Variants in ATP9B observed in about 807,000 individuals in gnomAD.
ATP9B encodes the protein probable phospholipid-transporting ATPase IIB.
In ATP9B, 110 loss-of-function variants were observed where a neutral mutation model predicts 146.1. The observed-to-expected ratio is 0.75, with a 90% CI of 0.65 to 0.88. The LOEUF is 0.88. Among genes scored for constraint, ATP9B ranks in the 40% least tolerant of loss-of-function variants. The pLI, the probability that ATP9B is intolerant of heterozygous loss-of-function variation, is 0.00. For synonymous variants in ATP9B, 604 were observed against 569.7 expected (o/e 1.06, Z -0.86); for missense variants, 1,499 against 1,496.4 (o/e 1.00, Z -0.03).
At chr18:79,313,726 T>C (rs923392639) in intron 15 of ATP9B, among the ~76,000 whole-genome samples, 2 of 152,230 alleles carry the variant, frequency 1.3e-5, no homozygotes, top group East Asian at 1.9e-4. Context: ...ATTAAAAATT[T>C]AGAGAAACTA....
At chr18:79,365,723 C>T (rs1216626026) in intron 26 of ATP9B, among the ~76,000 whole-genome samples, 11 of 150,904 alleles carry the variant, frequency 7.3e-5, no homozygotes, top group South Asian at 2.1e-4. Flanking sequence ...TCTCTGTGGA[C>T]GGGGACAGCC....
At chr18:79,086,455 A>AAAAAAAG (rs2073840562) in intron 1 of ATP9B, 2 of 150,054 alleles carry the variant, frequency 1.3e-5, no homozygotes, top group Non-Finnish European at 3.0e-5. Flanking sequence ...AAAAAAAAAA[A>AAAAAAAG]GATAAAATCT....
At chr18:79,242,055 G>A (rs1000519115) in intron 11 of ATP9B, among the ~76,000 whole-genome samples, 2 of 152,344 alleles carry the variant, frequency 1.3e-5, no homozygotes, top group Non-Finnish European at 2.9e-5. Flanking sequence ...TCTCATGCAG[G>A]AGCATTTTCA....
intron 14 of ATP9B, among the ~76,000 whole-genome samples, chr18:79,304,132 G>A (rs536102718): frequency 5.3e-5 from 8 of 152,046 alleles, no homozygotes; most frequent in East Asian, 1.9e-4. Flanking sequence ...AGACACCATC[G>A]TGTTGGGAAT....
intron 8 of ATP9B, among the ~76,000 whole-genome samples, chr18:79,177,843 G>A (rs1020747146): frequency 3.9e-5 from 6 of 152,202 alleles, no homozygotes; most frequent in African/African-American, 1.4e-4. Context: ...GCCAGGCAGT[G>A]AAGTGCTGCT....
At chr18:79,360,624 G>A (rs1205936678) in intron 26 of ATP9B, 2 of 152,300 alleles carry the variant, frequency 1.3e-5, no homozygotes, top group East Asian at 3.9e-4. Flanking sequence ...GAGGTGCTGG[G>A]TAAGTCATGT....
intron 1 of ATP9B, among the ~76,000 whole-genome samples, chr18:79,094,906 T>C (rs1452111646): frequency 6.6e-6 from 1 of 152,188 alleles, no homozygotes; most frequent in African/African-American, 2.4e-5. Context: ...ACACGACATG[T>C]ACACTCGGCC....
intron 12 of ATP9B, among the ~76,000 whole-genome samples, chr18:79,261,869 T>C (rs1196278242): frequency 6.6e-6 from 1 of 152,160 alleles, no homozygotes; most frequent in African/African-American, 2.4e-5. Flanking sequence ...TCCTACTAAG[T>C]GTCCTGCTAA....
intron 11 of ATP9B, among the ~76,000 whole-genome samples, chr18:79,234,655 G>GTGTGGGTGTGCTCC (rs1205958086): frequency 9.5e-5 from 14 of 147,582 alleles, no homozygotes; most frequent in African/African-American, 3.5e-4. Context: ...GGCGTGCTTC[G>GTGTGGGTGTGCTCC]TGTGGGTGTG....
intron 5 of ATP9B, among the ~76,000 whole-genome samples, chr18:79,130,392 A>G (rs1321383604): frequency 1.3e-5 from 2 of 149,548 alleles, no homozygotes; most frequent in African/African-American, 5.0e-5. Flanking sequence ...GGTCAGTTGT[A>G]TTTATCCAGT....
At chr18:79,318,593 G>A (rs928417052) in intron 15 of ATP9B, among the ~76,000 whole-genome samples, 5 of 152,234 alleles carry the variant, frequency 3.3e-5, no homozygotes, top group African/African-American at 1.2e-4. Context: ...CTTGAGGTAG[G>A]AATGAAGGAT....
chr18:79,285,052 G>A (rs1179604284), intron 13 of ATP9B, among the ~76,000 whole-genome samples: 1 of 151,580 alleles, frequency 6.6e-6, no homozygotes, highest in African/African-American at 2.4e-5. Context: ...CCAAGTCTTT[G>A]CTATTGTGAA....
chr18:79,216,942 A>G (rs1034779114), intron 11 of ATP9B, among the ~76,000 whole-genome samples: 1 of 152,206 alleles, frequency 6.6e-6, no homozygotes. Context: ...GGGATTCACG[A>G]TAGCGGTTCT....
At chr18:79,262,399 A>C (rs1234634125) in intron 12 of ATP9B, among the ~76,000 whole-genome samples, 1 of 150,846 alleles carries the variant, frequency 6.6e-6, no homozygotes. Context: ...GAAATAAAAC[A>C]AAGTTTTATT....
chr18:79,119,848 GTACACCTTAGGCTTACCTTCAAATC>G (rs1340800057), intron 4 of ATP9B, among the ~76,000 whole-genome samples: 5 of 152,286 alleles, frequency 3.3e-5, no homozygotes, highest in Middle Eastern at 3.4e-3. Flanking sequence ...AAAAGTTGAT[GTACACCTTAGGCTTACCTTCAAATC>G]TGAGAAGCAA....
chr18:79,235,526 T>G (rs755032229), intron 11 of ATP9B, among the ~76,000 whole-genome samples: 1 of 152,210 alleles, frequency 6.6e-6, no homozygotes, highest in Non-Finnish European at 1.5e-5. Flanking sequence ...GTGACACTTT[T>G]TGGTTTTTGT....
chr18:79,236,404 G>T (rs575431215), intron 11 of ATP9B, among the ~76,000 whole-genome samples: 1 of 152,042 alleles, frequency 6.6e-6, no homozygotes, highest in East Asian at 1.9e-4. Flanking sequence ...CACTCTGCTG[G>T]TTGCCTTCTC....
intron 1 of ATP9B, among the ~76,000 whole-genome samples, chr18:79,072,142 C>CTT (rs34018028): frequency 1.0e-4 from 15 of 146,020 alleles, no homozygotes; most frequent in Non-Finnish European, 2.1e-4. Context: ...TTCCCTAATT[C>CTT]TTTTTTTTTT....
chr18:79,312,982 G>T (rs373524572), intron 15 of ATP9B, among the ~76,000 whole-genome samples: 1 of 152,174 alleles, frequency 6.6e-6, no homozygotes, highest in East Asian at 1.9e-4. Flanking sequence ...TTTCAACTTT[G>T]AGGAAATGTG....
Sources: gnomAD v4.1 joint callset for allele counts (sites outside exome capture counted in the v4.1 genomes callset) on GRCh38, gnomAD v4.1.1 for gene constraint, MANE v1.5 for transcripts, NCBI Gene and HGNC (gene_info 2026-07-23, HGNC 2026-07-21) for gene names.